The following CHST8 variants were observed in gnomAD, a reference collection of about 807,000 sequenced individuals.
CHST8 encodes the protein GALNAC-4-ST1.
A neutral mutation model predicts 15.0 loss-of-function variants in CHST8; 10 were observed. The ratio of observed to expected loss-of-function variants is 0.67; its 90% CI spans 0.41 to 1.13. The LOEUF is 1.13. Among genes scored for constraint, CHST8 ranks in the 50% most tolerant of loss-of-function variants. CHST8 has a pLI of 0.00. For missense variants in CHST8, 634 were observed against 608.2 expected (o/e 1.04, Z -0.45); for synonymous variants, 259 against 256.6 (o/e 1.01, Z -0.09).
intron 3 of CHST8, among the ~76,000 whole-genome samples, chr19:33,766,516 T>C (rs1015641751): frequency 3.3e-5 from 5 of 152,136 alleles, no homozygotes; most frequent in African/African-American, 1.2e-4. Context: ...AGGCCTTTCT[T>C]GTGTGCACCT....
chr19:33,685,457 C>A (rs1275743751), intron 2 of CHST8, among the ~76,000 whole-genome samples: 1 of 151,618 alleles, frequency 6.6e-6, no homozygotes, highest in African/African-American at 2.4e-5. Context: ...GCAGGAGCTG[C>A]TGGAAACTCG....
At chr19:33,745,313 C>G (rs1373154586) in intron 3 of CHST8, among the ~76,000 whole-genome samples, 1 of 152,204 alleles carries the variant, frequency 6.6e-6, no homozygotes, top group Non-Finnish European at 1.5e-5. Context: ...TTCTTAGCCT[C>G]CAGATACATT....
chr19:33,724,251 T>G (rs2145315058), intron 3 of CHST8, among the ~76,000 whole-genome samples: 1 of 152,232 alleles, frequency 6.6e-6, no homozygotes, highest in Non-Finnish European at 1.5e-5. Flanking sequence ...TGACACACCC[T>G]GCCCCACAGG....
intron 3 of CHST8, among the ~76,000 whole-genome samples, chr19:33,760,031 A>G (rs1424399967): frequency 2.0e-5 from 3 of 151,618 alleles, no homozygotes; most frequent in African/African-American, 7.3e-5. Context: ...CTCTCCCTCC[A>G]CTGTTTCATC....
Position 33,771,432 on chromosome 19 carries a change from G to A in CHST8, c.150G>A (p.Arg50=). ...QQVPGIKFNI[R]PRQPHHDLPP... ...TTTCAGGAATAAAGTTCAACATCAG[G>A]CCAAGGCAGCCCCACCACGTAAGTT... The change falls in exon 4 of 5, where the codon AGG becomes AGA. Residue 50 remains arginine (R), a synonymous_variant. Transcript: ENST00000650847. 1 of 1,614,104 alleles carries A rather than the reference G, an allele frequency of 6.2e-7. No individual in the cohort carries two copies. Among genetic ancestry groups the A allele is most frequent in the East Asian group, 2.2e-5 (1 of 44,888 alleles).
intron 3 of CHST8, among the ~76,000 whole-genome samples, chr19:33,692,352 C>T (rs1973113013): frequency 2.6e-5 from 4 of 152,160 alleles, no homozygotes; most frequent in Admixed American, 2.6e-4. Flanking sequence ...GTAGACAAGA[C>T]TTACCTCTTC....
At chr19:33,762,075 T>C (rs1000242679) in intron 3 of CHST8, among the ~76,000 whole-genome samples, 1 of 152,124 alleles carries the variant, frequency 6.6e-6, no homozygotes, top group African/African-American at 2.4e-5. Context: ...TGACAGACCA[T>C]AGGACATGCA....
At chr19:33,634,588 C>T (rs760039133) in intron 1 of CHST8, among the ~76,000 whole-genome samples, 8 of 147,312 alleles carry the variant, frequency 5.4e-5, no homozygotes, top group Non-Finnish European at 1.0e-4. Flanking sequence ...GATGCAGGTG[C>T]TGAGCCCTGG....
chr19:33,667,165 G>A (rs1410458001), intron 1 of CHST8, among the ~76,000 whole-genome samples: 2 of 152,174 alleles, frequency 1.3e-5, no homozygotes, highest in Non-Finnish European at 2.9e-5. Context: ...GGAGGGTGAA[G>A]GGCACATTCA....
intron 3 of CHST8, among the ~76,000 whole-genome samples, chr19:33,707,286 T>C (rs1973465832): frequency 6.6e-6 from 1 of 152,184 alleles, no homozygotes; most frequent in African/African-American, 2.4e-5. Flanking sequence ...ACTCCTTGCC[T>C]CAAGTGATTC....
intron 3 of CHST8, among the ~76,000 whole-genome samples, chr19:33,712,574 G>A (rs918596352): frequency 1.3e-5 from 2 of 152,170 alleles, no homozygotes; most frequent in Admixed American, 6.5e-5. Context: ...TTATCCAAGC[G>A]AACAGTGGGG....
In CHST8 at chr19:33,746,166, T is replaced by A. The variant is rs947279392; in HGVS notation, c.131-25247T>A. On this transcript the variant is annotated intron_variant, in intron 3 of 4. Transcript: ENST00000650847. ...GTCTGCAAAACTAAAATAGCATTTT[T>A]TTAAAAAACATGGCACTTTAGAGTT... Among the ~76,000 whole-genome samples the A allele has an allele frequency of 1.5e-4, 23 of 152,248 alleles. 1 individual carries two copies. The highest frequency in any genetic ancestry group is 1.2e-3 in the Admixed American group (19 of 15,292).
At position 33,716,074 on chromosome 19, in the gene CHST8, AGGGT is replaced by A. The variant is rs546435710; in HGVS notation, c.130+26686_130+26689del. Among the ~76,000 whole-genome samples, 158 of 152,350 alleles carry A rather than the reference AGGGT, an allele frequency of 1.0e-3. 1 individual carries two copies. Among genetic ancestry groups the A allele is most frequent in the African/African-American group, 3.7e-3 (152 of 41,584 alleles). On this transcript the variant is annotated intron_variant, in intron 3 of 4. Transcript: ENST00000650847. ...TCTGTTTTCTTTCACTTAACACTGC[AGGGT>A]GGACCTCTTAACCTCTTTCCATATC...
chr19:33,729,582 C>T (rs1279672209), intron 3 of CHST8, among the ~76,000 whole-genome samples: 6 of 152,198 alleles, frequency 3.9e-5, no homozygotes. Flanking sequence ...TTGGAGGCTG[C>T]CTGCCGCAGG....
Position 33,633,774 on chromosome 19 carries a change from CGTGTGTGTGTGT to C in CHST8, c.-164+11507_-164+11518del, listed in dbSNP as rs55655047. Among the ~76,000 whole-genome samples, 256 of 141,156 alleles carry C rather than the reference CGTGTGTGTGTGT, an allele frequency of 1.8e-3. 1 individual carries two copies. Among genetic ancestry groups the C allele is most frequent in the African/African-American group, 5.5e-3 (214 of 38,608 alleles). 92.6% of individuals were successfully genotyped at this position (141,156 alleles called of 152,430 possible). On this transcript the variant is annotated intron_variant, in intron 1 of 4. Coordinates refer to ENST00000650847, the MANE Select transcript of CHST8 (RefSeq NM_001127895.2). ...GGTACTGTTGAACAGTTTTCTTTTTCGTGTGTGTGTGTGTGTGTGTGTGTGTGTGTGTGTGTG... is the reference window on the plus strand; with the variant it reads ...GGTACTGTTGAACAGTTTTCTTTTTCGTGTGTGTGTGTGTGTGTGTGTGTG...
intron 1 of CHST8, among the ~76,000 whole-genome samples, chr19:33,633,077 C>T (rs1349715643): frequency 6.6e-6 from 1 of 151,622 alleles, no homozygotes; most frequent in Admixed American, 6.6e-5. Context: ...GTGATCCACC[C>T]GCCTCGGTCT....
chr19:33,704,445 G>T (rs1439581297), intron 3 of CHST8, among the ~76,000 whole-genome samples: 1 of 152,220 alleles, frequency 6.6e-6, no homozygotes. Context: ...AGAGCCACAG[G>T]GAGCGGGAGA....
At chr19:33,661,212 C>T (rs2145221751) in intron 1 of CHST8, among the ~76,000 whole-genome samples, 1 of 152,238 alleles carries the variant, frequency 6.6e-6, no homozygotes, top group Middle Eastern at 3.4e-3. Context: ...CCAAAGTGAC[C>T]TGTGGACAAG....
intron 3 of CHST8, among the ~76,000 whole-genome samples, chr19:33,757,592 GAAAGAAA>G (rs1974626034): frequency 7.0e-6 from 1 of 142,632 alleles, no homozygotes; most frequent in Non-Finnish European, 1.5e-5. Context: ...AAGAAAGAAA[GAAAGAAA>G]GAAAGAGCCG....
Sources: allele counts gnomAD v4.1 joint callset (sites outside exome capture counted in the v4.1 genomes callset), GRCh38; gene constraint gnomAD v4.1.1; transcripts MANE v1.5; gene names NCBI Gene and HGNC (gene_info 2026-07-23, HGNC 2026-07-21).